Variants in BRIP1 observed in about 807,000 individuals in gnomAD.
The protein encoded by BRIP1 is Fanconi anemia group J protein.
A neutral mutation model predicts 119.7 loss-of-function variants in BRIP1; 88 were observed. The ratio of observed to expected loss-of-function variants is 0.74; its 90% CI spans 0.62 to 0.88. The LOEUF is 0.88. BRIP1 is among the 40% of genes least tolerant of loss of function. The probability of loss-of-function intolerance (pLI) is 0.00; values close to 1 mark genes in which losing one functional copy is unlikely to be tolerated. For missense variants in BRIP1, 1,259 were observed against 1,455.4 expected (o/e 0.87, Z 2.20); for synonymous variants, 443 against 496.5 (o/e 0.89, Z 1.43).
rs771542690 is a variant in BRIP1 at position 61,808,664 on chromosome 17, A to G, written c.721T>C (p.Ser241Pro). Residue 241 changes from serine to proline, a missense_variant, in exon 7 of 20, where the codon TCC becomes CCC. Ser to Pro is a moderately conservative substitution (Grantham distance 74). This residue lies in a region of BRIP1 where 501 missense variants were observed against 544.0 expected (regional missense o/e 0.92). Transcript: ENST00000259008. The surrounding 1 kb of genome is among the most constrained non-coding windows in gnomAD (Gnocchi z 4.1). ...NTIKKDHTGKSKIPKIYFGTR... is the reference protein window; with the variant it reads ...NTIKKDHTGKPKIPKIYFGTR... ...CCAAAATATATTTTGGGTATCTTGGATTTCCCTGTATGATCCTTCTTAATG... is the reference window on the plus strand; with the variant it reads ...CCAAAATATATTTTGGGTATCTTGGGTTTCCCTGTATGATCCTTCTTAATG... 2 of 1,613,856 alleles carry G rather than the reference A, an allele frequency of 1.2e-6. No homozygotes were observed. The highest frequency in any genetic ancestry group is 4.5e-5 in the East Asian group (2 of 44,862).
rs767855406 is a variant in BRIP1 at position 61,740,914 on chromosome 17, C to T, written c.2379+2099G>A. On this transcript the variant is annotated intron_variant, in intron 16 of 19. Coordinates refer to ENST00000259008, the MANE Select transcript of BRIP1 (RefSeq NM_032043.3). The surrounding 1 kb of genome is among the most constrained non-coding windows in gnomAD (Gnocchi z 5.4). ...GCTGTGGCAATTTCTTAAAATAAGA[C>T]GACCATGAAGTTTGCTCTATCATGT... Among the ~76,000 whole-genome samples the T allele has an allele frequency of 3.3e-5, 5 of 152,180 alleles. No individual in the cohort carries two copies. The highest frequency in any genetic ancestry group is 1.9e-4 in the East Asian group (1 of 5,174).
rs908180450 is a variant in BRIP1 at position 61,754,839 on chromosome 17, A to T, written c.2098-10248T>A. On this transcript the variant is annotated intron_variant, in intron 14 of 19. Coordinates refer to ENST00000259008, the MANE Select transcript of BRIP1 (RefSeq NM_032043.3). The surrounding 1 kb of genome is among the most constrained non-coding windows in gnomAD (Gnocchi z 4.1). ...ATGAAGTTTTCTGGTGTCTCTTCTTATAAGAACACTAATCCTATCAGATAA... is the reference window on the plus strand; with the variant it reads ...ATGAAGTTTTCTGGTGTCTCTTCTTTTAAGAACACTAATCCTATCAGATAA... 2.0e-5 allele frequency among the ~76,000 whole-genome samples: 3 copies of T among 152,210 alleles called. No homozygotes were observed. The highest frequency in any genetic ancestry group is 4.4e-5 in the Non-Finnish European group (3 of 68,014).
Position 61,828,400 on chromosome 17 carries a change from G to A in BRIP1, c.627+18701C>T, listed in dbSNP as rs936950740. 6.6e-5 allele frequency among the ~76,000 whole-genome samples: 10 copies of A among 152,120 alleles called. No individual in the cohort carries two copies. Among genetic ancestry groups the A allele is most frequent in the Middle Eastern group, 3.4e-3 (1 of 294 alleles). The stretch of plus-strand genomic sequence containing the variant: ...GAGAACGGCATTTTTCCTGGGGCTG[G>A]ACAATAGGGAAATACAGAGATATTG... On this transcript the variant is annotated intron_variant, in intron 6 of 19. Coordinates refer to ENST00000259008, the MANE Select transcript of BRIP1 (RefSeq NM_032043.3). This position sits in a 1 kb window ranked among gnomAD's most constrained non-coding sequence, Gnocchi z 4.1.
rs2078098165 is a variant in BRIP1 at position 61,807,935 on chromosome 17, A to C, written c.918+532T>G. Among the ~76,000 whole-genome samples, 1 of 152,136 alleles carries C rather than the reference A, an allele frequency of 6.6e-6. No individual in the cohort carries two copies. The highest frequency in any genetic ancestry group is 2.4e-5 in the African/African-American group (1 of 41,452). On this transcript the variant is annotated intron_variant, in intron 7 of 19. Transcript: ENST00000259008. This position sits in a 1 kb window ranked among gnomAD's most constrained non-coding sequence, Gnocchi z 4.5. ...TCCCTGGAAAATTTCAAAACCACCA[A>C]TGACATCTTTTGAAAGTTAATAATT...
At position 61,814,658 on chromosome 17, in the gene BRIP1, T is replaced by C. The variant is rs1195323305; in HGVS notation, c.628-5901A>G. On this transcript the variant is annotated intron_variant, in intron 6 of 19. Coordinates refer to ENST00000259008, the MANE Select transcript of BRIP1 (RefSeq NM_032043.3). The surrounding 1 kb of genome is among the most constrained non-coding windows in gnomAD (Gnocchi z 4.9). Reference sequence around the variant, plus strand: ...ATTGGCACAACTACTTGAGAGCAAATTGGTGATCTAGTGAAATCAAAGATA... The same window carrying C: ...ATTGGCACAACTACTTGAGAGCAAACTGGTGATCTAGTGAAATCAAAGATA... Among the ~76,000 whole-genome samples, 2 of 152,050 alleles carry C rather than the reference T, an allele frequency of 1.3e-5. No homozygotes were observed. The highest frequency in any genetic ancestry group is 1.5e-5 in the Non-Finnish European group (1 of 67,914).
At chr17:61,719,128 T>C (rs1366737729) in intron 16 of BRIP1, among the ~76,000 whole-genome samples, 2 of 151,880 alleles carry the variant, frequency 1.3e-5, no homozygotes, top group East Asian at 3.9e-4. Context: ...TAAATAAAGA[T>C]ATGTGGAGTT....
Position 61,847,000 on chromosome 17 carries a change from CT to C in BRIP1, c.627+100del, listed in dbSNP as rs1211921573. Reference sequence around the variant, plus strand: ...TTGAGGACTTCTGAGTGGGTTGCTACTGTCCTTTGTATTATACTATTGTTCC... The same window carrying C: ...TTGAGGACTTCTGAGTGGGTTGCTACGTCCTTTGTATTATACTATTGTTCC... On this transcript the variant is annotated intron_variant, in intron 6 of 19. Transcript: ENST00000259008. The surrounding 1 kb of genome is among the most constrained non-coding windows in gnomAD (Gnocchi z 4.3). The C allele has an allele frequency of 4.1e-6, 6 of 1,456,590 alleles. No individual in the cohort carries two copies. The highest frequency in any genetic ancestry group is 1.4e-5 in the African/African-American group (1 of 71,524). 90.2% of individuals were successfully genotyped at this position (1,456,590 alleles called of 1,614,324 possible).
At position 61,823,058 on chromosome 17, in the gene BRIP1, A is replaced by G. The variant is rs2078349961; in HGVS notation, c.628-14301T>C. 6.6e-6 allele frequency among the ~76,000 whole-genome samples: 1 copy of G among 152,180 alleles called. No homozygotes were observed. On this transcript the variant is annotated intron_variant, in intron 6 of 19. Transcript: ENST00000259008. This position sits in a 1 kb window ranked among gnomAD's most constrained non-coding sequence, Gnocchi z 4.8. ...CCCTGATGTGTGCCTACTTCACTAA[A>G]CCTCAAAAGCATCTTTCTTTAAAAG...
At chr17:61,836,593 C>A (rs1303810343) in intron 6 of BRIP1, among the ~76,000 whole-genome samples, 1 of 151,988 alleles carries the variant, frequency 6.6e-6, no homozygotes, top group African/African-American at 2.4e-5. Context: ...CAAGTAGCTA[C>A]TAGGTGCAGG....
intron 14 of BRIP1, among the ~76,000 whole-genome samples, chr17:61,764,547 T>C (rs899408693): frequency 6.6e-6 from 1 of 152,110 alleles, no homozygotes; most frequent in Non-Finnish European, 1.5e-5. Context: ...AAGGTGCCAA[T>C]ATGAAACTGT....
rs141436143 is a variant in BRIP1 at position 61,859,806 on chromosome 17, T to C, written c.195A>G (p.Gln65=). 1.3e-4 allele frequency: 213 copies of C among 1,611,022 alleles called. 3 individuals carry two copies. The African/African-American group carries it at 2.4e-3, about 18-fold the overall frequency. ...ALLCSALAWQ[Q]SLSGKPADEG... is the part of the protein sequence containing the mutation. Reference sequence around the variant, plus strand: ...CAAGCAACTACTTACCACTAAGAGATTGTTGCCATGCTAAAGCAGAACAAA... The same window carrying C: ...CAAGCAACTACTTACCACTAAGAGACTGTTGCCATGCTAAAGCAGAACAAA... The change falls in exon 3 of 20, where the codon CAA becomes CAG. Residue 65 remains glutamine, a synonymous_variant. Transcript: ENST00000259008.
intron 6 of BRIP1, among the ~76,000 whole-genome samples, chr17:61,829,368 T>C (rs889022016): frequency 6.6e-6 from 1 of 151,852 alleles, no homozygotes; most frequent in African/African-American, 2.4e-5. Flanking sequence ...CAAGAAGACA[T>C]AATAATCTTA....
rs1437231956 is a variant in BRIP1 at position 61,752,606 on chromosome 17, A to G, written c.2098-8015T>C. On this transcript the variant is annotated intron_variant, in intron 14 of 19. Transcript: ENST00000259008. This position sits in a 1 kb window ranked among gnomAD's most constrained non-coding sequence, Gnocchi z 6.2. ...CTGTAGTACATCAACCAGTTTTCTTATAGTCTATTCCTTTATTAAATTGCC... is the reference window on the plus strand; with the variant it reads ...CTGTAGTACATCAACCAGTTTTCTTGTAGTCTATTCCTTTATTAAATTGCC... Among the ~76,000 whole-genome samples the G allele has an allele frequency of 6.6e-6, 1 of 152,198 alleles. No individual in the cohort carries two copies. Among genetic ancestry groups the G allele is most frequent in the Non-Finnish European group, 1.5e-5 (1 of 68,010 alleles).
At position 61,695,613 on chromosome 17, in the gene BRIP1, T is replaced by G. The variant is rs2061508766; in HGVS notation, c.2493-2101A>C. On this transcript the variant is annotated intron_variant, in intron 17 of 19. Transcript: ENST00000259008. The surrounding 1 kb of genome is among the most constrained non-coding windows in gnomAD (Gnocchi z 4.3). ...TCCTAATGATAAGTCTTCTAATCCA[T>G]GAACGTGGGATTCTTTCCATTTATT... Among the ~76,000 whole-genome samples the G allele has an allele frequency of 1.3e-5, 2 of 152,158 alleles. No individual in the cohort carries two copies. The highest frequency in any genetic ancestry group is 4.8e-5 in the African/African-American group (2 of 41,466).
chr17:61,683,724 C>T lies in BRIP1; in HGVS notation c.3322G>A (p.Val1108Ile), dbSNP rs1275343223. The change falls in exon 20 of 20, where the codon GTA (valine) becomes ATA (isoleucine). Residue 1108 changes from valine (V) to isoleucine (I), a missense_variant. By Grantham distance (29) the Val-to-Ile change is conservative (BLOSUM62 3). Around this residue, in one of 3 missense-constraint regions of BRIP1, gnomAD observed 753 missense variants for 891.8 expected, o/e 0.84. Coordinates refer to ENST00000259008, the MANE Select transcript of BRIP1 (RefSeq NM_032043.3). The surrounding 1 kb of genome is among the most constrained non-coding windows in gnomAD (Gnocchi z 4.7). ...GTGGACTGTTTATCTTCTTCACTTA[C>T]TAGAGACAATTCAATGTCTGGATCC... is the stretch of plus-strand genomic sequence containing the variant. ...ALDPDIELSL[V>I]SEEDKQSTSN... 1.2e-6 allele frequency: 2 copies of T among 1,613,920 alleles called. No homozygotes were observed. Among genetic ancestry groups the T allele is most frequent in the South Asian group, 1.1e-5 (1 of 91,080 alleles).
At chr17:61,696,198 C>CTTTTTTTTTT (rs56672402) in intron 17 of BRIP1, among the ~76,000 whole-genome samples, 1 of 136,920 alleles carries the variant, frequency 7.3e-6, no homozygotes, top group Non-Finnish European at 1.6e-5. Flanking sequence ...CTGTTTTATG[C>CTTTTTTTTTT]TTTTTTTTTT....
intron 16 of BRIP1, among the ~76,000 whole-genome samples, chr17:61,716,807 GCTTC>G (rs2061879022): frequency 6.7e-6 from 1 of 148,464 alleles, no homozygotes; most frequent in Non-Finnish European, 1.5e-5. Flanking sequence ...GAAATAATAT[GCTTC>G]CATATTATTT....
chr17:61,718,562 T>A (rs2061919212), intron 16 of BRIP1, among the ~76,000 whole-genome samples: 1 of 152,180 alleles, frequency 6.6e-6, no homozygotes, highest in Non-Finnish European at 1.5e-5. Context: ...CCTGGAGCTT[T>A]CTCTCTATGT....
At position 61,708,287 on chromosome 17, in the gene BRIP1, C is replaced by T. The variant is rs2061723979; in HGVS notation, c.2492+7664G>A. On this transcript the variant is annotated intron_variant, in intron 17 of 19. Coordinates refer to ENST00000259008, the MANE Select transcript of BRIP1 (RefSeq NM_032043.3). The surrounding 1 kb of genome is among the most constrained non-coding windows in gnomAD (Gnocchi z 4.4). ...CATACATTTAAAAATGCATGCCCTT[C>T]TGAGTTGCATGATAAAAATCTCATG... is the stretch of plus-strand genomic sequence containing the variant. 6.6e-6 allele frequency among the ~76,000 whole-genome samples: 1 copy of T among 152,124 alleles called. No individual in the cohort carries two copies. The highest frequency in any genetic ancestry group is 6.5e-5 in the Admixed American group (1 of 15,272).
Sources: allele counts gnomAD v4.1 joint callset (sites outside exome capture counted in the v4.1 genomes callset), GRCh38; gene constraint gnomAD v4.1.1; regional missense constraint gnomAD v4.1.1; non-coding constraint Gnocchi (gnomAD v3.1); transcripts MANE v1.5; gene names NCBI Gene and HGNC (gene_info 2026-07-23, HGNC 2026-07-21).